CALN1: variants seen among roughly 807,000 people sequenced by gnomAD.
The protein encoded by CALN1 is calneuron 1, also known as calcium-binding protein 8.
CALN1 carries 17 observed loss-of-function variants against 30.6 expected under a neutral mutation model. That is an observed-to-expected ratio of 0.56 (90% CI 0.38 to 0.83). CALN1 has a LOEUF of 0.83. CALN1 is among the 40% of genes least tolerant of loss of function. The pLI is 0.00. For synonymous variants in CALN1, 156 were observed against 131.4 expected (o/e 1.19, Z -1.28); for missense variants, 291 against 354.9 (o/e 0.82, Z 1.45).
chr7:72,222,613 C>A (rs1170095076), intron 3 of CALN1, among the ~76,000 whole-genome samples: 6 of 152,092 alleles, frequency 3.9e-5, no homozygotes, highest in Non-Finnish European at 8.8e-5. Context: ...GGACACAGAT[C>A]CAAACCATAT....
At chr7:71,910,515 C>A (rs997671815) in intron 5 of CALN1, among the ~76,000 whole-genome samples, 1 of 152,176 alleles carries the variant, frequency 6.6e-6, no homozygotes, top group African/African-American at 2.4e-5. Flanking sequence ...GACAGATGAA[C>A]CAAGTTGGGC....
chr7:71,854,047 T>TTGTG (rs372232671), intron 5 of CALN1, among the ~76,000 whole-genome samples: 2 of 151,278 alleles, frequency 1.3e-5, no homozygotes, highest in African/African-American at 4.9e-5. Context: ...CTAAATTAAT[T>TTGTG]TGTGTGTGTG....
At chr7:72,157,489 A>G (rs1363598574) in intron 3 of CALN1, among the ~76,000 whole-genome samples, 3 of 152,098 alleles carry the variant, frequency 2.0e-5, no homozygotes, top group Non-Finnish European at 4.4e-5. Context: ...TTTCCCAGAG[A>G]AGGTGACATT....
chr7:72,038,140 G>A (rs1171648613), intron 4 of CALN1, among the ~76,000 whole-genome samples: 2 of 151,836 alleles, frequency 1.3e-5, no homozygotes, highest in Non-Finnish European at 2.9e-5. Context: ...CTGATATTTG[G>A]AGAACAGGAT....
intron 6 of CALN1, among the ~76,000 whole-genome samples, chr7:71,797,217 G>A (rs1317799253): frequency 6.6e-6 from 1 of 152,142 alleles, no homozygotes; most frequent in Non-Finnish European, 1.5e-5. Context: ...CTTGCTCCGC[G>A]ACAGACCAAA....
chr7:72,204,932 C>T (rs74794250), intron 3 of CALN1, among the ~76,000 whole-genome samples: 5,802 of 152,128 alleles, frequency 0.038, 351 homozygotes, highest in African/African-American at 0.13. Context: ...AAATTCCATA[C>T]CAAAAAATTC....
At chr7:72,205,086 A>T (rs1276663233) in intron 3 of CALN1, among the ~76,000 whole-genome samples, 7 of 152,062 alleles carry the variant, frequency 4.6e-5, no homozygotes, top group Non-Finnish European at 8.8e-5. Flanking sequence ...TTCAATTTCT[A>T]TTACTAAAAG....
chr7:72,220,900 T>A (rs982427824), intron 3 of CALN1, among the ~76,000 whole-genome samples: 1 of 152,196 alleles, frequency 6.6e-6, no homozygotes, highest in Non-Finnish European at 1.5e-5. Context: ...GTTTGTTTTT[T>A]TCTTGTAAAT....
At chr7:71,857,542 C>G (rs917080251) in intron 5 of CALN1, among the ~76,000 whole-genome samples, 6 of 152,210 alleles carry the variant, frequency 3.9e-5, no homozygotes, top group Admixed American at 2.0e-4. Context: ...CCACATCCAT[C>G]CTTCATCCTG....
chr7:72,375,686 T>C (rs1804516156), intron 2 of CALN1, among the ~76,000 whole-genome samples: 1 of 152,160 alleles, frequency 6.6e-6, no homozygotes, highest in Non-Finnish European at 1.5e-5. Context: ...CTTGCTATAT[T>C]GCCCAGGCTG....
At chr7:71,980,531 G>C (rs1798340115) in intron 5 of CALN1, among the ~76,000 whole-genome samples, 1 of 152,084 alleles carries the variant, frequency 6.6e-6, no homozygotes, top group African/African-American at 2.4e-5. Flanking sequence ...ATGGCATAGT[G>C]TTCCTCATAG....
chr7:71,942,813 T>C (rs900881917), intron 5 of CALN1, among the ~76,000 whole-genome samples: 1 of 152,200 alleles, frequency 6.6e-6, no homozygotes, highest in African/African-American at 2.4e-5. Flanking sequence ...AGCCGGGAAC[T>C]GCTTAGGGCA....
At chr7:72,112,181 G>A (rs902663754) in intron 3 of CALN1, among the ~76,000 whole-genome samples, 1 of 152,302 alleles carries the variant, frequency 6.6e-6, no homozygotes, top group African/African-American at 2.4e-5. Flanking sequence ...AGCTATCGCA[G>A]GGAGGAGACT....
intron 3 of CALN1, among the ~76,000 whole-genome samples, chr7:72,170,151 C>G (rs879436827): frequency 2.0e-5 from 3 of 151,980 alleles, no homozygotes; most frequent in Non-Finnish European, 2.9e-5. Context: ...TTATTTTTTT[C>G]TTTTTACATT....
At chr7:71,982,858 G>A (rs1160198168) in intron 5 of CALN1, among the ~76,000 whole-genome samples, 1 of 152,082 alleles carries the variant, frequency 6.6e-6, no homozygotes, top group African/African-American at 2.4e-5. Context: ...GGTGAATGCC[G>A]GCAGTTGTAC....
chr7:72,285,251 T>C (rs868757647), intron 2 of CALN1, among the ~76,000 whole-genome samples: 1 of 152,154 alleles, frequency 6.6e-6, no homozygotes, highest in African/African-American at 2.4e-5. Flanking sequence ...TTGTTTTGTT[T>C]TGTTTGTTTT....
rs1172134712 is a variant in CALN1, at chr7:71,783,841, C to T, written c.*3934G>A. ...AGCAGCTGTCCATTTTTCATAGGCT[C>T]TTTTGGATAACTGCAAGATCGTAGA... On this transcript the variant is annotated 3_prime_UTR_variant, in exon 7 of 7. Coordinates refer to ENST00000395275, the MANE Select transcript of CALN1 (RefSeq NM_031468.4). 1 of 152,582 alleles carries T rather than the reference C, an allele frequency of 6.6e-6. No homozygotes were observed. 9.5% of individuals were successfully genotyped at this position (152,582 alleles called of 1,614,324 possible).
At chr7:71,852,463 C>T (rs1208396803) in intron 5 of CALN1, among the ~76,000 whole-genome samples, 1 of 135,988 alleles carries the variant, frequency 7.4e-6, no homozygotes, top group Non-Finnish European at 1.5e-5. Context: ...ATAGTGAGAC[C>T]CTGTCTCTAA....
chr7:72,096,957 C>T (rs1190234881), intron 4 of CALN1, among the ~76,000 whole-genome samples: 1 of 152,192 alleles, frequency 6.6e-6, no homozygotes, highest in African/African-American at 2.4e-5. Context: ...GGCACACATA[C>T]ACCACGGAAT....
Sources: gnomAD v4.1 joint callset for allele counts (sites outside exome capture counted in the v4.1 genomes callset) on GRCh38, gnomAD v4.1.1 for gene constraint, MANE v1.5 for transcripts, NCBI Gene and HGNC (gene_info 2026-07-23, HGNC 2026-07-21) for gene names.